FAM53C: variants seen among roughly 807,000 people sequenced by gnomAD.
FAM53C encodes family with sequence similarity 53 member C.
FAM53C carries 10 observed loss-of-function variants against 34.7 expected under a neutral mutation model. The ratio of observed to expected loss-of-function variants is 0.29; its 90% CI spans 0.18 to 0.49. The LOEUF is 0.49. FAM53C is among the 20% of genes least tolerant of loss of function. The probability of loss-of-function intolerance (pLI) is 0.99; values close to 1 mark genes in which losing one functional copy is unlikely to be tolerated. For missense variants in FAM53C, 442 were observed against 515.3 expected, an observed-to-expected ratio of 0.86 and a Z score of 1.38; for synonymous variants, 203 against 203.6, an observed-to-expected ratio of 1.00 and a Z score of 0.03.
upstream of FAM53C, chr5:138,337,975 C>T (rs758350013): frequency 5.4e-6 from 7 of 1,289,696 alleles, no homozygotes; most frequent in Admixed American, 9.2e-5. Flanking sequence ...ACATGGCCTC[C>T]CCCGCGGGTT....
At position 138,348,819 on chromosome 5, in the gene FAM53C, C is replaced by T. The variant is rs1207711027; in HGVS notation, c.*1860C>T. On this transcript the variant is annotated 3_prime_UTR_variant, in exon 5 of 5. Transcript: ENST00000239906. ...GAGTTGCCCATCTATGGTTTCATTC[C>T]TCCCCTGGCTCTTCTCCCTCTTCAG... 1 of 152,292 alleles carries T rather than the reference C, an allele frequency of 6.6e-6. No homozygotes were observed. Among genetic ancestry groups the T allele is most frequent in the Non-Finnish European group, 1.5e-5 (1 of 68,104 alleles). 9.4% of individuals were successfully genotyped at this position (152,292 alleles called of 1,614,324 possible).
upstream of FAM53C, chr5:138,337,958 T>C: frequency 7.8e-7 from 1 of 1,289,396 alleles, no homozygotes; most frequent in Non-Finnish European, 1.0e-6. Flanking sequence ...TTGTTTACCT[T>C]CTTCCGACAT....
At chr5:138,341,917 A>C in intron 3 of FAM53C, 51 bp downstream of exon 3, 1 of 1,568,498 alleles carries the variant, frequency 6.4e-7, no homozygotes, top group Non-Finnish European at 8.8e-7. Context: ...TCCTCTCTCC[A>C]CACATTTCTA....
rs1761257218 is a variant in FAM53C at position 138,349,162 on chromosome 5, T to C, written c.*2203T>C. 2 of 152,630 alleles carry C rather than the reference T, an allele frequency of 1.3e-5. No homozygotes were observed. The highest frequency in any genetic ancestry group is 4.8e-5 in the African/African-American group (2 of 41,478). 9.5% of individuals were successfully genotyped at this position (152,630 alleles called of 1,614,324 possible). ...AGAACCTGTGGCCCTGGAACACTTT[T>C]CAAGAATTGGTTCATTTTGCTTTAC... On this transcript the variant is annotated 3_prime_UTR_variant, in exon 5 of 5. Coordinates refer to ENST00000239906, the MANE Select transcript of FAM53C (RefSeq NM_016605.3).
chr5:138,341,955 C>A, intron 3 of FAM53C, 89 bp downstream of exon 3: 1 of 1,297,074 alleles, frequency 7.7e-7, no homozygotes, highest in Non-Finnish European at 1.1e-6. Flanking sequence ...CCAGGGCTAG[C>A]GAGCCTACCT....
chr5:138,339,421 T>G (rs990610887), intron 1 of FAM53C, among the ~76,000 whole-genome samples: 1 of 152,222 alleles, frequency 6.6e-6, no homozygotes, highest in African/African-American at 2.4e-5. Context: ...ATTACCACTG[T>G]GTGTGGCCAC....
At chr5:138,343,276 G>A (rs1176051340) in intron 3 of FAM53C, among the ~76,000 whole-genome samples, 12 of 151,954 alleles carry the variant, frequency 7.9e-5, no homozygotes, top group Middle Eastern at 3.4e-3. Flanking sequence ...TTGGGAGGCC[G>A]AGGTGGGCAG....
Position 138,345,097 on chromosome 5 carries a change from G to GC in FAM53C, c.414dup (p.Ser139LeufsTer80). 1 of 1,613,384 alleles carries GC rather than the reference G, an allele frequency of 6.2e-7. No individual in the cohort carries two copies. Among genetic ancestry groups the GC allele is most frequent in the Non-Finnish European group, 8.5e-7 (1 of 1,179,820 alleles). ...TCGCTGGCAGCCGGTGTGGCGGCCC[G>GC]CCCCCTCCAAGCTGTGGACTCCCAT... is the stretch of plus-strand genomic sequence containing the variant. On this transcript the variant is annotated frameshift_variant, in exon 4 of 5. Transcript: ENST00000239906. LOFTEE classifies it high-confidence loss of function. This position sits in a 1 kb window ranked among gnomAD's most constrained non-coding sequence, Gnocchi z 6.3.
upstream of FAM53C, chr5:138,338,048 TAGTG>T: frequency 7.8e-7 from 1 of 1,289,626 alleles, no homozygotes. Context: ...GGTGACTCGT[TAGTG>T]AGGAAACCAC....
rs771002511 is a variant in FAM53C at position 138,341,837 on chromosome 5, A to G, written c.107A>G (p.Asn36Ser). 1.5e-5 allele frequency: 24 copies of G among 1,613,974 alleles called. No individual in the cohort carries two copies. The highest frequency in any genetic ancestry group is 1.8e-5 in the Non-Finnish European group (21 of 1,179,992). Residue 36 changes from asparagine (N) to serine (S), a missense_variant, in exon 3 of 5, where the codon AAC (asparagine) becomes AGC (serine). Physicochemically the swap from Asn to Ser is conservative, Grantham distance 46. Coordinates refer to ENST00000239906, the MANE Select transcript of FAM53C (RefSeq NM_016605.3). ...LPLPDHADISNCGNSFQLVSE... is the reference protein window; with the variant it reads ...LPLPDHADISSCGNSFQLVSE... ...TTGCCTGATCATGCAGACATCTCCA[A>G]CTGTGGGAACTCTTTCCAGCTTGTG...
upstream of FAM53C, chr5:138,337,668 G>A (rs1036621148): frequency 1.2e-5 from 4 of 321,828 alleles, no homozygotes; most frequent in African/African-American, 2.2e-5. Flanking sequence ...ACCATTATAA[G>A]TCCTGGGTTT....
intron 3 of FAM53C, among the ~76,000 whole-genome samples, chr5:138,343,392 C>G (rs1240278087): frequency 6.6e-6 from 1 of 151,878 alleles, no homozygotes; most frequent in African/African-American, 2.4e-5. Flanking sequence ...CGCCTGTAAT[C>G]CCAGCTACTC....
At position 138,340,530 on chromosome 5, in the gene FAM53C, G is replaced by C. The variant is rs144395755; in HGVS notation, c.-152-654G>C. Among the ~76,000 whole-genome samples the C allele has an allele frequency of 6.8e-3, 1,037 of 152,338 alleles. 12 individuals carry two copies. Among genetic ancestry groups the C allele is most frequent in the South Asian group, 0.022 (105 of 4,830 alleles). On this transcript the variant is annotated intron_variant, in intron 1 of 4. Coordinates refer to ENST00000239906, the MANE Select transcript of FAM53C (RefSeq NM_016605.3). ...AACTGTATCCATGGACTTTGCATCA[G>C]ATGAGGCTAAAAACTTAGTTGAACA...
chr5:138,338,758 A>G (rs941389003), intron 1 of FAM53C, among the ~76,000 whole-genome samples: 4 of 152,192 alleles, frequency 2.6e-5, no homozygotes, highest in Admixed American at 2.0e-4. Context: ...CACCAGAACC[A>G]TATGGAAGAA....
At chr5:138,340,507 C>CA (rs1761005664) in intron 1 of FAM53C, among the ~76,000 whole-genome samples, 1 of 152,232 alleles carries the variant, frequency 6.6e-6, no homozygotes, top group African/African-American at 2.4e-5. Context: ...TCTTGGTTAA[C>CA]TGTATCCATG....
At chr5:138,338,616 G>C (rs1760905293) in intron 1 of FAM53C, among the ~76,000 whole-genome samples, 1 of 138,550 alleles carries the variant, frequency 7.2e-6, no homozygotes, top group Non-Finnish European at 1.6e-5. Context: ...GGGGACCAGC[G>C]GACGCCCCAT....
intron 1 of FAM53C, 179 bp downstream of exon 1, chr5:138,338,486 A>G: frequency 3.2e-6 from 1 of 309,314 alleles, no homozygotes; most frequent in Non-Finnish European, 6.3e-6. Flanking sequence ...GCTAAGTCCC[A>G]GACCCTCCCC....
Position 138,347,147 on chromosome 5 carries a change from A to C in FAM53C, c.*188A>C. ...CCAAGAGACTGGCCGGGACAAGATAAACGGAGCTGGTGGCGGGAGGGACAG... is the reference window on the plus strand; with the variant it reads ...CCAAGAGACTGGCCGGGACAAGATACACGGAGCTGGTGGCGGGAGGGACAG... On this transcript the variant is annotated 3_prime_UTR_variant, in exon 5 of 5. Coordinates refer to ENST00000239906, the MANE Select transcript of FAM53C (RefSeq NM_016605.3). 1.5e-5 allele frequency: 12 copies of C among 799,986 alleles called. No homozygotes were observed. Among genetic ancestry groups the C allele is most frequent in the East Asian group, 2.7e-5 (1 of 37,410 alleles). The allele number at this position is 799,986 out of a possible 1,614,324, so 49.6% of individuals were successfully genotyped here.
chr5:138,341,571 G>A (rs1284681555), intron 2 of FAM53C, 158 bp downstream of exon 2: 31 of 799,438 alleles, frequency 3.9e-5, no homozygotes, highest in Non-Finnish European at 6.5e-5. Flanking sequence ...AAAGGAAGGG[G>A]GCAGGGATTT....
Sources: gnomAD v4.1 joint callset for allele counts (sites outside exome capture counted in the v4.1 genomes callset) on GRCh38, gnomAD v4.1.1 for gene constraint, Gnocchi (gnomAD v3.1) non-coding constraint, MANE v1.5 for transcripts, NCBI Gene and HGNC (gene_info 2026-07-23, HGNC 2026-07-21) for gene names.